The following UBE2K variants were observed in gnomAD, a reference collection of about 807,000 sequenced individuals.
UBE2K encodes the protein ubiquitin-conjugating enzyme E2 K.
A neutral mutation model predicts 30.0 loss-of-function variants in UBE2K; 6 were observed. The ratio of observed to expected loss-of-function variants is 0.20; its 90% CI spans 0.11 to 0.39. The LOEUF is 0.39. Ranked by LOEUF, UBE2K falls within the 10% of genes least tolerant of loss-of-function variation. The pLI is 1.00. For synonymous variants in UBE2K, 86 were observed against 83.7 expected (o/e 1.03, Z -0.15); for missense variants, 61 against 241.6 (o/e 0.25, Z 4.96).
At chr4:39,722,852 G>C (rs1719503893) in intron 1 of UBE2K, among the ~76,000 whole-genome samples, 1 of 149,056 alleles carries the variant, frequency 6.7e-6, no homozygotes, top group South Asian at 2.1e-4. Context: ...CTGGAGTGCA[G>C]TGGCATGATC....
intron 1 of UBE2K, among the ~76,000 whole-genome samples, chr4:39,702,864 C>CTA: frequency 1.3e-5 from 2 of 152,166 alleles, no homozygotes; most frequent in East Asian, 3.9e-4. Context: ...GGATGTTTAG[C>CTA]AACATCCCTG....
intron 1 of UBE2K, among the ~76,000 whole-genome samples, chr4:39,708,086 G>A (rs535544274): frequency 1.1e-4 from 17 of 151,912 alleles, no homozygotes; most frequent in African/African-American, 2.9e-4. Flanking sequence ...AGTAGAGACC[G>A]GGTTTCTCCA....
At chr4:39,711,825 G>C (rs555056341) in intron 1 of UBE2K, among the ~76,000 whole-genome samples, 2 of 151,646 alleles carry the variant, frequency 1.3e-5, no homozygotes, top group African/African-American at 4.8e-5. Context: ...ATCACCTGAG[G>C]TCAGGAGTTC....
At chr4:39,771,317 T>C in intron 4 of UBE2K, 2 of 1,612,276 alleles carry the variant, frequency 1.2e-6, no homozygotes, top group Non-Finnish European at 1.7e-6. Context: ...AACTTGAGGC[T>C]GTCGGCCACA....
In UBE2K at chr4:39,782,227, T is replaced by A. The variant is rs1328329974; in HGVS notation, c.*3793T>A. ...GTGGCACAGTTTGTCAGTTTGATTA[T>A]AGGTGTGAGTGGATAGAAATCATTA... On this transcript the variant is annotated 3_prime_UTR_variant, in exon 7 of 7. Coordinates refer to ENST00000261427, the MANE Select transcript of UBE2K (RefSeq NM_005339.5). 3 of 355,570 alleles carry A rather than the reference T, an allele frequency of 8.4e-6. No homozygotes were observed. Among genetic ancestry groups the A allele is most frequent in the Non-Finnish European group, 1.5e-5 (3 of 198,914 alleles). The allele number at this position is 355,570 out of a possible 1,614,324, so 22.0% of individuals were successfully genotyped here.
At chr4:39,734,933 A>G (rs935591619) in intron 1 of UBE2K, among the ~76,000 whole-genome samples, 1 of 152,220 alleles carries the variant, frequency 6.6e-6, no homozygotes, top group African/African-American at 2.4e-5. Context: ...CAGCTTTTCT[A>G]ATCTCCCTCT....
chr4:39,765,950 C>CAG (rs1712305169), intron 4 of UBE2K, among the ~76,000 whole-genome samples: 1 of 126,396 alleles, frequency 7.9e-6, no homozygotes, highest in African/African-American at 3.0e-5. Flanking sequence ...CACACACACA[C>CAG]ATACACATAC....
At chr4:39,703,909 C>G (rs1046097199) in intron 1 of UBE2K, among the ~76,000 whole-genome samples, 1 of 149,892 alleles carries the variant, frequency 6.7e-6, no homozygotes. Flanking sequence ...GATAATTTAT[C>G]TAAAGAATAA....
chr4:39,708,188 C>G (rs1336770008), intron 1 of UBE2K, among the ~76,000 whole-genome samples: 1 of 152,058 alleles, frequency 6.6e-6, no homozygotes, highest in Non-Finnish European at 1.5e-5. Context: ...GCGTGAGCCA[C>G]CGCGCCTGGC....
In UBE2K at chr4:39,724,988, A is replaced by G. The variant is rs1319862062; in HGVS notation, c.64-12432A>G. Among the ~76,000 whole-genome samples, 3 of 152,164 alleles carry G rather than the reference A, an allele frequency of 2.0e-5. 1 individual carries two copies. The highest frequency in any genetic ancestry group is 4.4e-5 in the Non-Finnish European group (3 of 68,036). On this transcript the variant is annotated intron_variant, in intron 1 of 6. Coordinates refer to ENST00000261427, the MANE Select transcript of UBE2K (RefSeq NM_005339.5). ...GTTCCTTAGAGACTTCTTAAATAAG[A>G]TCTGAGACATGCAGTTATATATTTT...
intron 1 of UBE2K, among the ~76,000 whole-genome samples, chr4:39,722,276 G>T (rs892560904): frequency 6.6e-6 from 1 of 151,862 alleles, no homozygotes; most frequent in Admixed American, 6.6e-5. Context: ...GTGATTCCTA[G>T]TTTAGGTGTA....
chr4:39,724,040 T>A (rs2109331235), intron 1 of UBE2K, among the ~76,000 whole-genome samples: 1 of 152,044 alleles, frequency 6.6e-6, no homozygotes, highest in East Asian at 1.9e-4. Context: ...CTCGAACTCC[T>A]GACCTTAGGT....
In UBE2K at chr4:39,774,946, C is replaced by A; in HGVS notation, c.399+13C>A. On this transcript the variant is annotated intron_variant, in intron 5 of 6. Transcript: ENST00000261427. ...AGTAGCAAATCAGGTAAGATGGCCG[C>A]TTTTGAAAGACTTTCTTATATTATG... The A allele has an allele frequency of 6.4e-7, 1 of 1,574,080 alleles. No individual in the cohort carries two copies. Among genetic ancestry groups the A allele is most frequent in the Non-Finnish European group, 8.7e-7 (1 of 1,153,326 alleles).
chr4:39,769,429 C>G (rs555019996), intron 4 of UBE2K, among the ~76,000 whole-genome samples: 2 of 129,666 alleles, frequency 1.5e-5, no homozygotes, highest in South Asian at 2.9e-4. Context: ...ATTGTTCTTG[C>G]TATTGTGCCC....
At chr4:39,702,186 T>G (rs1267603827) in intron 1 of UBE2K, among the ~76,000 whole-genome samples, 3 of 151,840 alleles carry the variant, frequency 2.0e-5, no homozygotes, top group Non-Finnish European at 4.4e-5. Context: ...TTTTTCATGT[T>G]GTAATTGCAC....
intron 1 of UBE2K, among the ~76,000 whole-genome samples, chr4:39,718,694 G>A (rs1016222931): frequency 6.6e-6 from 1 of 152,238 alleles, no homozygotes; most frequent in African/African-American, 2.4e-5. Context: ...AGCGCTGGTG[G>A]GCCAGCACTG....
In UBE2K at chr4:39,720,774, C is replaced by G. The variant is rs957103265; in HGVS notation, c.64-16646C>G. Among the ~76,000 whole-genome samples, 7 of 152,114 alleles carry G rather than the reference C, an allele frequency of 4.6e-5. No homozygotes were observed. The East Asian group carries it at 5.8e-4, about 13-fold the overall frequency. On this transcript the variant is annotated intron_variant, in intron 1 of 6. Coordinates refer to ENST00000261427, the MANE Select transcript of UBE2K (RefSeq NM_005339.5). ...TTTTTATTTATTAGAGACTAGGTCT[C>G]AGTTTGTTGCCCAGGCTGGAGTGCA...
chr4:39,762,745 C>T (rs1377518115), intron 4 of UBE2K, among the ~76,000 whole-genome samples: 2 of 152,064 alleles, frequency 1.3e-5, no homozygotes, highest in Non-Finnish European at 2.9e-5. Flanking sequence ...AGCGATTCTC[C>T]TGCCTCATCC....
At chr4:39,737,037 G>A (rs1454382007) in intron 1 of UBE2K, among the ~76,000 whole-genome samples, 1 of 152,082 alleles carries the variant, frequency 6.6e-6, no homozygotes, top group Non-Finnish European at 1.5e-5. Flanking sequence ...ATGTATCGTG[G>A]GGGTATAGTG....
Sources: gnomAD v4.1 joint callset for allele counts (sites outside exome capture counted in the v4.1 genomes callset) on GRCh38, gnomAD v4.1.1 for gene constraint, MANE v1.5 for transcripts, NCBI Gene and HGNC (gene_info 2026-07-23, HGNC 2026-07-21) for gene names.